CDK6: variants seen among roughly 807,000 people sequenced by gnomAD.
CDK6 encodes cyclin dependent kinase 6.
Under a neutral mutation model 37.1 loss-of-function variants are expected in CDK6, and 6 were observed. The ratio of observed to expected loss-of-function variants is 0.16; its 90% CI spans 0.09 to 0.32. The LOEUF is 0.32. CDK6 is among the 10% of genes least tolerant of loss of function. CDK6 has a pLI of 1.00. For missense variants in CDK6, 224 were observed against 418.9 expected (o/e 0.53, Z 4.06); for synonymous variants, 160 against 161.3 (o/e 0.99, Z 0.06).
At chr7:92,677,701 A>G (rs539015107) in intron 4 of CDK6, among the ~76,000 whole-genome samples, 4 of 152,356 alleles carry the variant, frequency 2.6e-5, no homozygotes, top group South Asian at 2.1e-4. Flanking sequence ...ATTATTCTAT[A>G]TATCAAGAGA....
intron 4 of CDK6, among the ~76,000 whole-genome samples, chr7:92,675,738 C>T (rs184756652): frequency 2.3e-3 from 345 of 152,268 alleles, no homozygotes; most frequent in Non-Finnish European, 3.6e-3. Context: ...TGTGTCTTAA[C>T]GGTCTTTTGA....
intron 2 of CDK6, among the ~76,000 whole-genome samples, chr7:92,816,925 A>G (rs1177051047): frequency 6.6e-6 from 1 of 151,972 alleles, no homozygotes; most frequent in East Asian, 1.9e-4. Flanking sequence ...AAGAATCTAT[A>G]CCAATAAACT....
At position 92,821,731 on chromosome 7, in the gene CDK6, ATAAT is replaced by A. The variant is rs201610406; in HGVS notation, c.233+11356_233+11359del. Among the ~76,000 whole-genome samples, 696 of 151,258 alleles carry A rather than the reference ATAAT, an allele frequency of 4.6e-3. 5 individuals carry two copies. The highest frequency in any genetic ancestry group is 0.014 in the South Asian group (69 of 4,814). ...ATATTGTATAAATTATGTTATATAT[ATAAT>A]TAGTTTATTGCTATGTAATAATATA... On this transcript the variant is annotated intron_variant, in intron 2 of 7. Coordinates refer to ENST00000424848, the MANE Select transcript of CDK6 (RefSeq NM_001145306.2).
At chr7:92,777,197 A>G (rs573055570) in intron 2 of CDK6, among the ~76,000 whole-genome samples, 1 of 152,238 alleles carries the variant, frequency 6.6e-6, no homozygotes, top group African/African-American at 2.4e-5. Flanking sequence ...AGGTTTGTCA[A>G]AGATCAGATG....
intron 2 of CDK6, among the ~76,000 whole-genome samples, chr7:92,801,356 T>C (rs1176237179): frequency 6.6e-6 from 1 of 152,114 alleles, no homozygotes; most frequent in Non-Finnish European, 1.5e-5. Context: ...ACTGGAAAAA[T>C]TGCCTTCAAA....
intron 2 of CDK6, 136 bp from the exon 3 acceptor site, chr7:92,774,967 A>G (rs1799812670): frequency 2.7e-6 from 2 of 731,202 alleles, no homozygotes; most frequent in East Asian, 3.1e-5. Flanking sequence ...GATCATATGT[A>G]AAGATATCAA....
At chr7:92,625,552 CAAA>C (rs1253507662) in intron 5 of CDK6, among the ~76,000 whole-genome samples, 2 of 144,400 alleles carry the variant, frequency 1.4e-5, no homozygotes, top group African/African-American at 2.7e-5. Context: ...CAAAACAAAA[CAAA>C]ACAAAACAAA....
chr7:92,777,868 G>A (rs1268180682), intron 2 of CDK6, among the ~76,000 whole-genome samples: 1 of 152,102 alleles, frequency 6.6e-6, no homozygotes, highest in Admixed American at 6.6e-5. Context: ...CCATGAGCAT[G>A]GAATGTTTTT....
Position 92,834,752 on chromosome 7 carries a change from C to A in CDK6, c.-367-1062G>T, listed in dbSNP as rs1035256439. On this transcript the variant is annotated intron_variant, in intron 1 of 7. Transcript: ENST00000424848. This position sits in a 1 kb window ranked among gnomAD's most constrained non-coding sequence, Gnocchi z 4.6. Reference sequence around the variant, plus strand: ...TCTCTGTCCTCGGGGCCCGGACTCGCGAACCTTTTCCCATTCCCAGGACCT... The same window carrying A: ...TCTCTGTCCTCGGGGCCCGGACTCGAGAACCTTTTCCCATTCCCAGGACCT... 2.0e-5 allele frequency among the ~76,000 whole-genome samples: 3 copies of A among 151,972 alleles called. No individual in the cohort carries two copies. Among genetic ancestry groups the A allele is most frequent in the African/African-American group, 7.2e-5 (3 of 41,384 alleles).
intron 3 of CDK6, among the ~76,000 whole-genome samples, chr7:92,758,576 A>G (rs995053820): frequency 3.4e-4 from 52 of 152,236 alleles, no homozygotes; most frequent in African/African-American, 1.3e-3. Context: ...TGATGCCTCC[A>G]GCTTTGTTCT....
intron 5 of CDK6, among the ~76,000 whole-genome samples, chr7:92,634,963 T>G (rs756074227): frequency 6.6e-6 from 1 of 152,126 alleles, no homozygotes; most frequent in Non-Finnish European, 1.5e-5. Context: ...TTTATATTCA[T>G]AGTGAGAAGA....
chr7:92,662,922 GA>G, intron 5 of CDK6, among the ~76,000 whole-genome samples: 1 of 152,250 alleles, frequency 6.6e-6, no homozygotes, highest in South Asian at 2.1e-4. Flanking sequence ...AGCACCTACA[GA>G]AAAAGGCCGG....
intron 3 of CDK6, among the ~76,000 whole-genome samples, chr7:92,734,208 C>A (rs1440438343): frequency 2.0e-5 from 3 of 152,132 alleles, no homozygotes; most frequent in African/African-American, 7.2e-5. Flanking sequence ...AAAGTCGTGT[C>A]TTTTTAAATA....
chr7:92,758,905 T>A (rs1179164133), intron 3 of CDK6, among the ~76,000 whole-genome samples: 2 of 152,162 alleles, frequency 1.3e-5, no homozygotes, highest in African/African-American at 4.8e-5. Flanking sequence ...CAATTGTGAA[T>A]GGGATCTGGC....
chr7:92,667,926 T>C (rs970537138), intron 5 of CDK6, among the ~76,000 whole-genome samples: 5 of 152,136 alleles, frequency 3.3e-5, no homozygotes, highest in African/African-American at 7.2e-5. Flanking sequence ...AAGAAAAATA[T>C]TTTTAGATAA....
intron 2 of CDK6, among the ~76,000 whole-genome samples, chr7:92,809,785 G>A (rs1800824754): frequency 6.6e-6 from 1 of 152,200 alleles, no homozygotes; most frequent in African/African-American, 2.4e-5. Flanking sequence ...TTTTGATGAT[G>A]AAGAAACCAA....
chr7:92,833,325 C>A lies in CDK6; in HGVS notation c.-2G>T, dbSNP rs1224803967. On this transcript the variant is annotated 5_prime_UTR_variant, in exon 2 of 8. Coordinates refer to ENST00000424848, the MANE Select transcript of CDK6 (RefSeq NM_001145306.2). This position sits in a 1 kb window ranked among gnomAD's most constrained non-coding sequence, Gnocchi z 6.1. ...GCGGCACAGGCCGTCCTTCTCCATG[C>A]CGCCTGGACGCCGCCCGCCGCGGCG... 6.4e-7 allele frequency: 1 copy of A among 1,571,662 alleles called. No homozygotes were observed. Among genetic ancestry groups the A allele is most frequent in the East Asian group, 2.4e-5 (1 of 41,690 alleles).
intron 4 of CDK6, among the ~76,000 whole-genome samples, chr7:92,715,370 A>T (rs1322221951): frequency 6.6e-6 from 1 of 152,142 alleles, no homozygotes; most frequent in East Asian, 1.9e-4. Flanking sequence ...GCCAGCCTTC[A>T]AAATAAATAT....
chr7:92,618,053 T>C lies in CDK6; in HGVS notation c.834+19A>G, dbSNP rs2116483678. ...CTCACTGGCACAGTGCAGACGAGCT[T>C]GACATCAGAAAAACTTACCAGAAGT... On this transcript the variant is annotated intron_variant, in intron 7 of 7. Coordinates refer to ENST00000424848, the MANE Select transcript of CDK6 (RefSeq NM_001145306.2). The C allele has an allele frequency of 1.2e-6, 2 of 1,613,226 alleles. No homozygotes were observed. The highest frequency in any genetic ancestry group is 1.3e-5 in the African/African-American group (1 of 75,028).
Sources: gnomAD v4.1 joint callset for allele counts (sites outside exome capture counted in the v4.1 genomes callset) on GRCh38, gnomAD v4.1.1 for gene constraint, Gnocchi (gnomAD v3.1) non-coding constraint, MANE v1.5 for transcripts, NCBI Gene and HGNC (gene_info 2026-07-23, HGNC 2026-07-21) for gene names.